PCDH1: variants seen among roughly 807,000 people sequenced by gnomAD.
PCDH1 encodes the protein protocadherin-1.
PCDH1 carries 23 observed loss-of-function variants against 74.6 expected under a neutral mutation model. The observed-to-expected ratio is 0.31, with a 90% CI of 0.22 to 0.44. The LOEUF (loss-of-function observed/expected upper bound fraction) is 0.44. Among genes scored for constraint, PCDH1 ranks in the 20% least tolerant of loss-of-function variants. The pLI is 1.00. For synonymous variants in PCDH1, 647 were observed against 686.1 expected (o/e 0.94, Z 0.89); for missense variants, 1,214 against 1,641.4 (o/e 0.74, Z 4.50).
At chr5:141,854,910 G>A (rs1316839048) in intron 4 of PCDH1, among the ~76,000 whole-genome samples, 1 of 149,960 alleles carries the variant, frequency 6.7e-6, no homozygotes, top group African/African-American at 2.5e-5. Flanking sequence ...GACCTCAGGT[G>A]ATCCACCCAC....
Position 141,869,196 on chromosome 5 carries a change from TA to T in PCDH1, c.275del (p.Leu92GlnfsTer61). ...CGCGAAGGTACGGGGCACCCACCTC[TA>T]GCTTGTACAGGTGCCCCACATCTGG... ...GFPDVGHLYK[L>X]EVGAPYLRVD... On this transcript the variant is annotated frameshift_variant, in exon 2 of 5. Transcript: ENST00000287008. LOFTEE classifies it high-confidence loss of function. This position sits in a 1 kb window ranked among gnomAD's most constrained non-coding sequence, Gnocchi z 4.9. The T allele has an allele frequency of 6.2e-7, 1 of 1,613,966 alleles. No individual in the cohort carries two copies. The highest frequency in any genetic ancestry group is 8.5e-7 in the Non-Finnish European group (1 of 1,179,972).
chr5:141,856,372 G>A (rs201478117), intron 4 of PCDH1: 1 of 96,404 alleles, frequency 1.0e-5, no homozygotes, highest in Non-Finnish European at 1.9e-5. Context: ...ACAAGGGCCC[G>A]GGAGGTTAGA....
Position 141,854,239 on chromosome 5 carries a change from T to A in PCDH1, c.3517A>T (p.Ser1173Cys). 1 of 1,611,572 alleles carries A rather than the reference T, an allele frequency of 6.2e-7. No individual in the cohort carries two copies. The highest frequency in any genetic ancestry group is 8.5e-7 in the Non-Finnish European group (1 of 1,178,894). The change falls in exon 5 of 5, where the codon AGC becomes TGC. Residue 1173 changes from serine (S) to cysteine (C), a missense_variant. Physicochemically the swap from Ser to Cys is moderately radical, Grantham distance 112. Transcript: ENST00000287008. Reference protein sequence around the residue: ...GQEPAGAGSPSPPEDRNTKTA... With the variant: ...GQEPAGAGSPCPPEDRNTKTA... ...TTGGTGTTCCGGTCTTCCGGGGGGC[T>A]GGGGCTGCCGGCGCCCGCAGGCTCC...
In PCDH1 at chr5:141,857,258, C is replaced by T; in HGVS notation, c.3313G>A (p.Glu1105Lys). 2 of 1,575,058 alleles carry T rather than the reference C, an allele frequency of 1.3e-6. No homozygotes were observed. Among genetic ancestry groups the T allele is most frequent in the Non-Finnish European group, 1.7e-6 (2 of 1,161,896 alleles). Residue 1105 changes from glutamate to lysine, a missense_variant, in exon 4 of 5, where the codon GAG becomes AAG. Glu to Lys is a moderately conservative substitution (Grantham distance 56). Coordinates refer to ENST00000287008, the MANE Select transcript of PCDH1 (RefSeq NM_032420.5). ...CCATGGTGCTGCGCCTCACCATTCTCGGGGTGCTCCATCTCTCCTATGCTG... is the reference window on the plus strand; with the variant it reads ...CCATGGTGCTGCGCCTCACCATTCTTGGGGTGCTCCATCTCTCCTATGCTG... Reference protein sequence around the residue: ...DGSIGEMEHPENDLRPLPDVA... With the variant: ...DGSIGEMEHPKNDLRPLPDVA...
chr5:141,867,917 G>C (rs1752920549), intron 2 of PCDH1, among the ~76,000 whole-genome samples: 1 of 152,222 alleles, frequency 6.6e-6, no homozygotes, highest in African/African-American at 2.4e-5. Flanking sequence ...AGTTCCCATG[G>C]AGAGGGGTGC....
chr5:141,866,956 C>A (rs866135063), intron 2 of PCDH1, among the ~76,000 whole-genome samples: 1 of 152,188 alleles, frequency 6.6e-6, no homozygotes, highest in Non-Finnish European at 1.5e-5. Flanking sequence ...CAGCTATCCC[C>A]GCCTGGGCTT....
chr5:141,869,226 A>C lies in PCDH1; in HGVS notation c.246T>G (p.Gly82=). 2 of 1,613,042 alleles carry C rather than the reference A, an allele frequency of 1.2e-6. No individual in the cohort carries two copies. The highest frequency in any genetic ancestry group is 1.7e-6 in the Non-Finnish European group (2 of 1,179,666). ...TLIGSLAADY[G]FPDVGHLYKL... Reference sequence around the variant, plus strand: ...TGTACAGGTGCCCCACATCTGGAAAACCATAGTCGGCTGCGAGGCTCCCAA... The same window carrying C: ...TGTACAGGTGCCCCACATCTGGAAACCCATAGTCGGCTGCGAGGCTCCCAA... Residue 82 remains glycine, a synonymous_variant, in exon 2 of 5, where the codon GGT becomes GGG. Transcript: ENST00000287008. This position sits in a 1 kb window ranked among gnomAD's most constrained non-coding sequence, Gnocchi z 4.9.
In PCDH1 at chr5:141,863,769, G is replaced by C; in HGVS notation, c.2562C>G (p.Leu854=). 2 of 1,614,208 alleles carry C rather than the reference G, an allele frequency of 1.2e-6. No individual in the cohort carries two copies. Among genetic ancestry groups the C allele is most frequent in the East Asian group, 4.5e-5 (2 of 44,884 alleles). The stretch of plus-strand genomic sequence containing the variant: ...CCACCACACCAGCCACCACACCAAA[G>C]AGAATGTTGCCACGCTGCTTGGAGC... The part of the protein sequence containing the change: ...YERSKQRGNI[L]FGVVAGVVAV... Residue 854 remains leucine (L), a synonymous_variant, in exon 3 of 5, where the codon CTC becomes CTG. Coordinates refer to ENST00000287008, the MANE Select transcript of PCDH1 (RefSeq NM_032420.5). This position sits in a 1 kb window ranked among gnomAD's most constrained non-coding sequence, Gnocchi z 7.5.
chr5:141,863,116 C>G lies in PCDH1; in HGVS notation c.3099+116G>C, dbSNP rs780419510. On this transcript the variant is annotated intron_variant, in intron 3 of 4. Coordinates refer to ENST00000287008, the MANE Select transcript of PCDH1 (RefSeq NM_032420.5). This position sits in a 1 kb window ranked among gnomAD's most constrained non-coding sequence, Gnocchi z 7.5. ...TCCCACTGCTGGCTCAGGCTGGCCC[C>G]CAACACGGGCAGGCACAGTAAACCT... 1.4e-6 allele frequency: 2 copies of G among 1,422,530 alleles called. No individual in the cohort carries two copies. Among genetic ancestry groups the G allele is most frequent in the Admixed American group, 5.3e-5 (2 of 37,484 alleles). The allele number at this position is 1,422,530 out of a possible 1,614,324, so 88.1% of individuals were successfully genotyped here.
chr5:141,855,476 C>T (rs1469650370), intron 4 of PCDH1, among the ~76,000 whole-genome samples: 3 of 151,720 alleles, frequency 2.0e-5, no homozygotes, highest in Non-Finnish European at 2.9e-5. Context: ...ACAATCAACT[C>T]TCTCTCTCTC....
At chr5:141,862,372 C>CTTAGGAAGAAAGCCCTATAGACA (rs1332017549) in intron 3 of PCDH1, among the ~76,000 whole-genome samples, 1 of 152,114 alleles carries the variant, frequency 6.6e-6, no homozygotes, top group Non-Finnish European at 1.5e-5. Context: ...CTGGGTCATT[C>CTTAGGAAGAAAGCCCTATAGACA]TTAGGAAGAA....
Position 141,864,088 on chromosome 5 carries a change from A to G in PCDH1, c.2243T>C (p.Val748Ala). 6.2e-7 allele frequency: 1 copy of G among 1,611,458 alleles called. No individual in the cohort carries two copies. Among genetic ancestry groups the G allele is most frequent in the Middle Eastern group, 1.7e-4 (1 of 6,058 alleles). ...AATGCTGTAGATCAGCTCAGCATTG[A>G]CACCAGAGTCAAAGTCCTCGGCTGC... Reference protein sequence around the residue: ...QVAAEDFDSGVNAELIYSIAG... With the variant: ...QVAAEDFDSGANAELIYSIAG... Residue 748 changes from valine to alanine, a missense_variant, in exon 3 of 5, where the codon GTC becomes GCC. Val to Ala is a moderately conservative substitution (Grantham distance 64). Transcript: ENST00000287008. The surrounding 1 kb of genome is among the most constrained non-coding windows in gnomAD (Gnocchi z 5.9).
At position 141,854,378 on chromosome 5, in the gene PCDH1, C is replaced by A; in HGVS notation, c.3378G>T (p.Glu1126Asp). ...TCCAGCATGTGTCAGAGTGGCCAAA[C>A]TCACTGCACTCCCGGGTACATGTGC... ...MTGTCTRECS[E>D]FGHSDTCWMP... Residue 1126 changes from glutamate (E) to aspartate (D), a missense_variant, in exon 5 of 5, where the codon GAG (glutamate) becomes GAT (aspartate). Glu to Asp is a conservative substitution (Grantham distance 45). This residue lies in a region of PCDH1 where 194 missense variants were observed against 198.3 expected (regional missense o/e 0.98). Transcript: ENST00000287008. 6.2e-7 allele frequency: 1 copy of A among 1,613,444 alleles called. No individual in the cohort carries two copies. Among genetic ancestry groups the A allele is most frequent in the Non-Finnish European group, 8.5e-7 (1 of 1,179,942 alleles).
intron 1 of PCDH1, among the ~76,000 whole-genome samples, chr5:141,877,003 C>T (rs1439481051): frequency 2.6e-5 from 4 of 152,218 alleles, no homozygotes; most frequent in African/African-American, 4.8e-5. Context: ...GTTGGGGAGG[C>T]GCCGACTGGG....
Position 141,878,298 on chromosome 5 carries a change from G to T in PCDH1, c.-36C>A, listed in dbSNP as rs1241560673. 8.1e-7 allele frequency: 1 copy of T among 1,232,088 alleles called. No individual in the cohort carries two copies. The highest frequency in any genetic ancestry group is 3.1e-5 in the South Asian group (1 of 32,432). 76.3% of individuals were successfully genotyped at this position (1,232,088 alleles called of 1,614,324 possible). A position where few individuals can be genotyped will look rare whatever the true frequency, so the allele number is the denominator to read the frequency against. On this transcript the variant is annotated 5_prime_UTR_variant, in exon 1 of 5. Transcript: ENST00000287008. The surrounding 1 kb of genome is among the most constrained non-coding windows in gnomAD (Gnocchi z 5.5). ...CGGCCCCGGCCTGGGCTGCGGCTCC[G>T]CACGGCTGGGGCTGGAGCTGCAGTT...
intron 2 of PCDH1, among the ~76,000 whole-genome samples, chr5:141,867,102 C>T (rs189020357): frequency 6.6e-6 from 1 of 152,342 alleles, no homozygotes; most frequent in Admixed American, 6.5e-5. Flanking sequence ...ATGAGGATCC[C>T]CAGTCTCCCT....
chr5:141,873,118 A>T (rs1753133865), intron 1 of PCDH1, among the ~76,000 whole-genome samples: 2 of 151,508 alleles, frequency 1.3e-5, no homozygotes, highest in African/African-American at 4.8e-5. Context: ...AAAGAGCCTG[A>T]GGTCCTGCAA....
In PCDH1 at chr5:141,864,638, G is replaced by C; in HGVS notation, c.1693C>G (p.Gln565Glu). 6.2e-7 allele frequency: 1 copy of C among 1,613,608 alleles called. No homozygotes were observed. The highest frequency in any genetic ancestry group is 1.1e-5 in the South Asian group (1 of 91,070). The stretch of plus-strand genomic sequence containing the variant: ...TCCCGATCCAGAGATGTCTTCACCT[G>C]GATCTCTCCAGTCTCGGGTGAGATG... ...FTISPETGEI[Q>E]VKTSLDREQR... The change falls in exon 3 of 5, where the codon CAG becomes GAG. Residue 565 changes from glutamine (Q) to glutamate (E), a missense_variant. By Grantham distance (29) the Gln-to-Glu change is conservative. Coordinates refer to ENST00000287008, the MANE Select transcript of PCDH1 (RefSeq NM_032420.5). The surrounding 1 kb of genome is among the most constrained non-coding windows in gnomAD (Gnocchi z 5.9).
intron 3 of PCDH1, among the ~76,000 whole-genome samples, chr5:141,857,706 A>G (rs1413760425): frequency 6.6e-6 from 1 of 152,074 alleles, no homozygotes; most frequent in Non-Finnish European, 1.5e-5. Flanking sequence ...GGAAGTCCCA[A>G]TACAGCGCAG....
Sources: gnomAD v4.1 joint callset for allele counts (sites outside exome capture counted in the v4.1 genomes callset) on GRCh38, gnomAD v4.1.1 for gene constraint, gnomAD v4.1.1 regional missense constraint, Gnocchi (gnomAD v3.1) non-coding constraint, MANE v1.5 for transcripts, NCBI Gene and HGNC (gene_info 2026-07-23, HGNC 2026-07-21) for gene names.